Variants in NRXN3 observed in about 807,000 individuals in gnomAD.
NRXN3 encodes neurexin 3.
A neutral mutation model predicts 137.6 loss-of-function variants in NRXN3; 32 were observed. That is an observed-to-expected ratio of 0.23 (90% CI 0.18 to 0.31). NRXN3 has a LOEUF of 0.31. NRXN3 is among the 10% of genes least tolerant of loss of function. The probability of loss-of-function intolerance (pLI) is 1.00; values close to 1 mark genes in which losing one functional copy is unlikely to be tolerated. For missense variants in NRXN3, 1,574 were observed against 2,062.5 expected (o/e 0.76, Z 4.59); for synonymous variants, 798 against 784.5 (o/e 1.02, Z -0.29).
intron 15 of NRXN3, among the ~76,000 whole-genome samples, chr14:79,259,086 C>CA (rs953033619): frequency 1.1e-4 from 16 of 151,416 alleles, no homozygotes; most frequent in African/African-American, 3.2e-4. Flanking sequence ...GAGACACTTG[C>CA]AAAAAAAAGA....
chr14:78,187,257 GT>G (rs1475433227), intron 1 of NRXN3, among the ~76,000 whole-genome samples: 7 of 118,990 alleles, frequency 5.9e-5, no homozygotes, highest in Non-Finnish European at 1.2e-4. Context: ...TTTTGGTGGT[GT>G]GTGTGTGTTT....
At chr14:78,197,053 A>G (rs1369626812) in intron 1 of NRXN3, among the ~76,000 whole-genome samples, 1 of 152,126 alleles carries the variant, frequency 6.6e-6, no homozygotes, top group Non-Finnish European at 1.5e-5. Context: ...TCTCTTTAGG[A>G]GACCCTCCTG....
intron 4 of NRXN3, among the ~76,000 whole-genome samples, chr14:78,298,881 A>T (rs2076611260): frequency 6.6e-6 from 1 of 152,174 alleles, no homozygotes; most frequent in African/African-American, 2.4e-5. Context: ...GGAGGGTGGG[A>T]CTTCCCCTCC....
chr14:78,790,542 T>A (rs1414123109), intron 8 of NRXN3, among the ~76,000 whole-genome samples: 1 of 152,192 alleles, frequency 6.6e-6, no homozygotes, highest in Non-Finnish European at 1.5e-5. Context: ...CTGGCAGGCA[T>A]TCTTGCATAG....
At chr14:79,830,492 C>T (rs1349890216) in intron 20 of NRXN3, among the ~76,000 whole-genome samples, 1 of 152,070 alleles carries the variant, frequency 6.6e-6, no homozygotes, top group African/African-American at 2.4e-5. Context: ...TGGTGTGTGC[C>T]TGGTTTTCTT....
intron 4 of NRXN3, among the ~76,000 whole-genome samples, chr14:78,503,294 G>A (rs934310002): frequency 6.6e-6 from 1 of 152,162 alleles, no homozygotes; most frequent in Non-Finnish European, 1.5e-5. Flanking sequence ...TAAGAGGATG[G>A]TGGGATTTGT....
At chr14:79,319,244 A>G (rs2089519451) in intron 15 of NRXN3, among the ~76,000 whole-genome samples, 1 of 152,202 alleles carries the variant, frequency 6.6e-6, no homozygotes, top group African/African-American at 2.4e-5. Flanking sequence ...CTTCTCTATA[A>G]AGACAGAAGA....
At chr14:79,838,493 C>T (rs548439838) in intron 20 of NRXN3, among the ~76,000 whole-genome samples, 1 of 152,254 alleles carries the variant, frequency 6.6e-6, no homozygotes, top group Non-Finnish European at 1.5e-5. Flanking sequence ...ATGGTACTCA[C>T]AAGTAGTGTG....
chr14:78,501,884 A>G (rs1333000710), intron 4 of NRXN3, among the ~76,000 whole-genome samples: 1 of 152,150 alleles, frequency 6.6e-6, no homozygotes, highest in Admixed American at 6.5e-5. Context: ...AAATCTGGAA[A>G]GGACATTAGA....
intron 16 of NRXN3, among the ~76,000 whole-genome samples, chr14:79,555,009 G>A (rs1268851202): frequency 2.0e-5 from 3 of 152,040 alleles, no homozygotes; most frequent in Non-Finnish European, 4.4e-5. Context: ...AACAATTATC[G>A]GGGTGTCAAG....
chr14:78,739,209 C>A (rs1019008742), intron 8 of NRXN3, among the ~76,000 whole-genome samples: 2 of 152,250 alleles, frequency 1.3e-5, no homozygotes, highest in African/African-American at 4.8e-5. Flanking sequence ...AAGATACTTT[C>A]TTCCTACATA....
chr14:79,699,120 A>T lies in NRXN3; in HGVS notation c.4014+1183A>T, dbSNP rs137937210. ...ATTTTATCGTTTTCAAAAGGCTTCT[A>T]AAAACCTGGTTAGCATAGTACTGTT... On this transcript the variant is annotated intron_variant, in intron 19 of 20. Coordinates refer to ENST00000335750, the MANE Select transcript of NRXN3 (RefSeq NM_001330195.2). 2.2e-3 allele frequency among the ~76,000 whole-genome samples: 331 copies of T among 152,116 alleles called. 1 individual carries two copies. Among genetic ancestry groups the T allele is most frequent in the African/African-American group, 7.7e-3 (322 of 41,554 alleles).
chr14:79,449,819 G>C (rs375190935), intron 15 of NRXN3, among the ~76,000 whole-genome samples: 1 of 151,572 alleles, frequency 6.6e-6, no homozygotes, highest in Non-Finnish European at 1.5e-5. Context: ...GTGAAACCCC[G>C]TCTCTACTAA....
At chr14:78,986,912 A>G (rs1212647577) in intron 14 of NRXN3, among the ~76,000 whole-genome samples, 2 of 148,900 alleles carry the variant, frequency 1.3e-5, no homozygotes, top group African/African-American at 2.5e-5. Context: ...AATCCCAACT[A>G]CTCGGGAGGC....
At chr14:79,859,262 CAG>C (rs1353487307) in intron 20 of NRXN3, among the ~76,000 whole-genome samples, 1 of 152,188 alleles carries the variant, frequency 6.6e-6, no homozygotes, top group African/African-American at 2.4e-5. Flanking sequence ...TCGGTTCCCT[CAG>C]AAACTCAGTT....
intron 10 of NRXN3, among the ~76,000 whole-genome samples, chr14:78,812,072 A>G (rs899043941): frequency 6.6e-6 from 1 of 152,170 alleles, no homozygotes; most frequent in Non-Finnish European, 1.5e-5. Context: ...TCATAAACCT[A>G]CAGTTTAAGG....
At chr14:79,265,774 A>T (rs950627929) in intron 15 of NRXN3, among the ~76,000 whole-genome samples, 3 of 152,208 alleles carry the variant, frequency 2.0e-5, no homozygotes, top group Non-Finnish European at 4.4e-5. Flanking sequence ...ACTCCCTTGG[A>T]TGAAATGGCT....
chr14:79,383,672 A>G (rs1026037653), intron 15 of NRXN3, among the ~76,000 whole-genome samples: 2 of 152,170 alleles, frequency 1.3e-5, no homozygotes, highest in Non-Finnish European at 2.9e-5. Context: ...AATAAATCAC[A>G]GAGGAGGACT....
chr14:78,341,811 A>C (rs542071678), intron 4 of NRXN3, among the ~76,000 whole-genome samples: 21 of 152,314 alleles, frequency 1.4e-4, no homozygotes, highest in African/African-American at 4.3e-4. Context: ...AATTCCCTGA[A>C]CTAGGAATCC....
Sources: allele counts gnomAD v4.1 joint callset (sites outside exome capture counted in the v4.1 genomes callset), GRCh38; gene constraint gnomAD v4.1.1; transcripts MANE v1.5; gene names NCBI Gene and HGNC (gene_info 2026-07-23, HGNC 2026-07-21).